The following THADA variants were observed in gnomAD, a reference collection of about 807,000 sequenced individuals.
THADA encodes tRNA (32-2'-O)-methyltransferase regulator THADA.
THADA carries 213 observed loss-of-function variants against 219.8 expected under a neutral mutation model. That is an observed-to-expected ratio of 0.97 (90% CI 0.87 to 1.09). The LOEUF is 1.09. Ranked by LOEUF, THADA falls within the 50% of genes least tolerant of loss-of-function variation. The probability of loss-of-function intolerance (pLI) is 0.00; values close to 1 mark genes in which losing one functional copy is unlikely to be tolerated. For missense variants in THADA, 2,956 were observed against 2,311.3 expected, an observed-to-expected ratio of 1.28 and a Z score of -5.72; for synonymous variants, 1,018 against 828.9, an observed-to-expected ratio of 1.23 and a Z score of -3.92.
chr2:43,514,701 AAT>A lies in THADA; in HGVS notation c.3375-5923_3375-5922del, dbSNP rs538260074. ...ATATTATATTATATATAATATATAT[AAT>A]ATATATATAAATATATATTATATAT... On this transcript the variant is annotated intron_variant, in intron 22 of 37. Transcript: ENST00000405975. Among the ~76,000 whole-genome samples the A allele has an allele frequency of 3.2e-3, 259 of 80,392 alleles. 18 individuals are homozygous for A. Among genetic ancestry groups the A allele is most frequent in the South Asian group, 6.3e-3 (18 of 2,848 alleles). The allele number at this position is 80,392 out of a possible 152,430, so 52.7% of individuals were successfully genotyped here. A position where few individuals can be genotyped will look rare whatever the true frequency, so the allele number is the denominator to read the frequency against.
At chr2:43,381,129 A>T (rs1573370074) in intron 29 of THADA, among the ~76,000 whole-genome samples, 1 of 151,168 alleles carries the variant, frequency 6.6e-6, no homozygotes, top group East Asian at 1.9e-4. Flanking sequence ...AAAGGAAGAA[A>T]AACAAACAAA....
At chr2:43,263,100 C>G (rs772943861) in intron 36 of THADA, among the ~76,000 whole-genome samples, 7 of 152,212 alleles carry the variant, frequency 4.6e-5, no homozygotes, top group Non-Finnish European at 7.3e-5. Context: ...ACTCGACACT[C>G]CTCGTGCTGG....
intron 28 of THADA, among the ~76,000 whole-genome samples, chr2:43,419,037 G>C (rs549495304): frequency 6.6e-6 from 1 of 152,156 alleles, no homozygotes; most frequent in South Asian, 2.1e-4. Context: ...CCTAGAGCCT[G>C]GCTATAAAAC....
chr2:43,558,596 G>T (rs1697678614), intron 16 of THADA, among the ~76,000 whole-genome samples: 2 of 152,110 alleles, frequency 1.3e-5, no homozygotes, highest in Admixed American at 6.5e-5. Context: ...TAGTCTTCTG[G>T]CCTACTTCTC....
chr2:43,380,864 T>C (rs1002270945), intron 29 of THADA, among the ~76,000 whole-genome samples: 6 of 152,116 alleles, frequency 3.9e-5, no homozygotes, highest in Admixed American at 1.3e-4. Context: ...TTTGGGAGGC[T>C]GAGGTGGGTG....
intron 24 of THADA, among the ~76,000 whole-genome samples, chr2:43,503,643 T>C (rs571287375): frequency 6.6e-6 from 1 of 152,288 alleles, no homozygotes; most frequent in South Asian, 2.1e-4. Flanking sequence ...TTATTCACTA[T>C]ACATTTCTGT....
intron 14 of THADA, among the ~76,000 whole-genome samples, chr2:43,569,455 C>T (rs1232475811): frequency 2.0e-5 from 3 of 152,168 alleles, no homozygotes; most frequent in Non-Finnish European, 4.4e-5. Flanking sequence ...CTCAAGTCAG[C>T]CAACTAATAA....
chr2:43,283,926 C>T (rs555441379), intron 35 of THADA, among the ~76,000 whole-genome samples: 1 of 152,274 alleles, frequency 6.6e-6, no homozygotes, highest in Non-Finnish European at 1.5e-5. Flanking sequence ...TGCCTATAAT[C>T]CCAGCACTTT....
At chr2:43,233,938 A>G (rs867461948) in intron 36 of THADA, among the ~76,000 whole-genome samples, 1 of 152,064 alleles carries the variant, frequency 6.6e-6, no homozygotes, top group African/African-American at 2.4e-5. Flanking sequence ...TCCCAAATCC[A>G]CATCTCTAAC....
intron 36 of THADA, among the ~76,000 whole-genome samples, chr2:43,248,154 TATATATATATAGAGAG>T (rs1381090574): frequency 2.1e-4 from 18 of 85,220 alleles, no homozygotes; most frequent in South Asian, 4.1e-4. Context: ...TATATATATA[TATATATATATAGAGAG>T]AGAGAGAGAG....
Position 43,386,892 on chromosome 2 carries a change from C to T in THADA, c.4227+11079G>A, listed in dbSNP as rs533692515. The stretch of plus-strand genomic sequence containing the variant: ...TCGCCTGGGCTACAGAGTGAGATTT[C>T]CTCTCAAAAAAAAAAAAAAAAAGCA... On this transcript the variant is annotated intron_variant, in intron 29 of 37. Coordinates refer to ENST00000405975, the MANE Select transcript of THADA (RefSeq NM_022065.5). Among the ~76,000 whole-genome samples the T allele has an allele frequency of 2.9e-3, 372 of 126,538 alleles. 1 individual carries two copies. Among genetic ancestry groups the T allele is most frequent in the African/African-American group, 0.011 (348 of 30,958 alleles). The allele number at this position is 126,538 out of a possible 152,430, so 83.0% of individuals were successfully genotyped here.
chr2:43,485,246 G>T lies in THADA; in HGVS notation c.3824C>A (p.Ser1275Tyr). ...FGVKRAKDEHSKTNRMTGREF... is the reference protein window; with the variant it reads ...FGVKRAKDEHYKTNRMTGREF... ...AAATGGAGCTTACCTATTTGTTTTG[G>T]AATGTTCATCCTTTGCCCTTTTAAC... The change falls in exon 26 of 38, where the codon TCC becomes TAC. Residue 1275 changes from serine (S) to tyrosine (Y), a missense_variant. Coordinates refer to ENST00000405975, the MANE Select transcript of THADA (RefSeq NM_022065.5). The T allele has an allele frequency of 6.2e-7, 1 of 1,611,208 alleles. No homozygotes were observed. Among genetic ancestry groups the T allele is most frequent in the Non-Finnish European group, 8.5e-7 (1 of 1,178,044 alleles).
At chr2:43,504,515 G>A (rs1243546655) in intron 24 of THADA, among the ~76,000 whole-genome samples, 5 of 152,158 alleles carry the variant, frequency 3.3e-5, no homozygotes, top group East Asian at 1.9e-4. Flanking sequence ...TGTACTTATC[G>A]TACTTGATTG....
chr2:43,347,779 C>A (rs953212380), intron 29 of THADA, among the ~76,000 whole-genome samples: 3 of 152,116 alleles, frequency 2.0e-5, no homozygotes, highest in African/African-American at 7.2e-5. Context: ...AACAAGTGGT[C>A]CTGTGTGCGC....
rs539798216 is a variant in THADA, at chr2:43,400,457, T to TTATATATATATATATATATATA, written c.4059-2319_4059-2318insTATATATATATATATATATATA. Among the ~76,000 whole-genome samples the TTATATATATATATATATATATA allele has an allele frequency of 3.3e-3, 298 of 89,802 alleles. 8 individuals are homozygous for TTATATATATATATATATATATA. The highest frequency in any genetic ancestry group is 4.1e-3 in the Non-Finnish European group (154 of 37,644). The allele number at this position is 89,802 out of a possible 152,430, so 58.9% of individuals were successfully genotyped here. On this transcript the variant is annotated intron_variant, in intron 28 of 37. Transcript: ENST00000405975. The stretch of plus-strand genomic sequence containing the variant: ...TGGAAAGATTAGATCATAGACAAAT[T>TTATATATATATATATATATATA]TATATATATATATATATATAAATAT...
At chr2:43,513,602 A>G (rs1199634617) in intron 22 of THADA, among the ~76,000 whole-genome samples, 1 of 152,206 alleles carries the variant, frequency 6.6e-6, no homozygotes, top group Non-Finnish European at 1.5e-5. Context: ...GACTAGATCT[A>G]TGATATCCCC....
intron 26 of THADA, among the ~76,000 whole-genome samples, chr2:43,459,688 G>T (rs1683404068): frequency 6.6e-6 from 1 of 152,160 alleles, no homozygotes; most frequent in African/African-American, 2.4e-5. Context: ...GTTAAACAGT[G>T]CTGTGTGAAT....
intron 20 of THADA, among the ~76,000 whole-genome samples, chr2:43,544,417 C>T (rs1695742582): frequency 6.6e-6 from 1 of 152,158 alleles, no homozygotes; most frequent in Admixed American, 6.6e-5. Context: ...TGAAGAAAGG[C>T]ATTGGTAGCT....
chr2:43,352,347 C>T (rs1000195709), intron 29 of THADA, among the ~76,000 whole-genome samples: 7 of 152,114 alleles, frequency 4.6e-5, no homozygotes, highest in Non-Finnish European at 1.0e-4. Flanking sequence ...CACCTGATGT[C>T]AGGAGTTCGA....
Sources: gnomAD v4.1 joint callset for allele counts (sites outside exome capture counted in the v4.1 genomes callset) on GRCh38, gnomAD v4.1.1 for gene constraint, MANE v1.5 for transcripts, NCBI Gene and HGNC (gene_info 2026-07-23, HGNC 2026-07-21) for gene names.